Variants in CNTNAP2 observed in about 807,000 individuals in gnomAD.
CNTNAP2 encodes the protein contactin-associated protein-like 2.
In CNTNAP2, 98 loss-of-function variants were observed where a neutral mutation model predicts 155.2. The observed-to-expected ratio is 0.63, with a 90% CI of 0.54 to 0.75. CNTNAP2 has a LOEUF of 0.75. Ranked by LOEUF, CNTNAP2 falls within the 30% of genes least tolerant of loss-of-function variation. The pLI is 0.00. For synonymous variants in CNTNAP2, 651 were observed against 631.2 expected (o/e 1.03, Z -0.47); for missense variants, 1,727 against 1,688.1 (o/e 1.02, Z -0.40).
At chr7:148,077,324 C>T (rs1803507840) in intron 15 of CNTNAP2, among the ~76,000 whole-genome samples, 1 of 151,738 alleles carries the variant, frequency 6.6e-6, no homozygotes. Flanking sequence ...AAAAAAATTA[C>T]CACACATACT....
chr7:147,471,575 T>G (rs573555749), intron 10 of CNTNAP2, among the ~76,000 whole-genome samples: 42 of 152,356 alleles, frequency 2.8e-4, no homozygotes, highest in African/African-American at 9.4e-4. Context: ...TTGAAATATT[T>G]CATGTAAAGC....
chr7:146,563,478 G>A (rs1227953923), intron 1 of CNTNAP2, among the ~76,000 whole-genome samples: 1 of 151,922 alleles, frequency 6.6e-6, no homozygotes, highest in Non-Finnish European at 1.5e-5. Context: ...TACTTTCTCA[G>A]TATCCTCCAG....
chr7:146,404,493 CCTAA>C (rs1341094077), intron 1 of CNTNAP2, among the ~76,000 whole-genome samples: 7 of 152,200 alleles, frequency 4.6e-5, no homozygotes, highest in Non-Finnish European at 1.0e-4. Flanking sequence ...GTAATAACTT[CCTAA>C]CTGATTTCTC....
At position 147,802,330 on chromosome 7, in the gene CNTNAP2, G is replaced by A. The variant is rs1307741193; in HGVS notation, c.2099-101235G>A. Among the ~76,000 whole-genome samples, 5 of 147,282 alleles carry A rather than the reference G, an allele frequency of 3.4e-5. No homozygotes were observed. In the East Asian group the frequency reaches 8.2e-4, roughly 24 times the overall value. On this transcript the variant is annotated intron_variant, in intron 13 of 23. Transcript: ENST00000361727. ...CAGAGGGGCTCCTCACATCCCAGAC[G>A]ATGGGCGGCCAGGCAGAGACACTCC...
intron 13 of CNTNAP2, among the ~76,000 whole-genome samples, chr7:147,793,099 G>A (rs1797845044): frequency 6.6e-6 from 1 of 151,848 alleles, no homozygotes; most frequent in African/African-American, 2.4e-5. Flanking sequence ...GGTTTTATCA[G>A]GTATATGGTT....
intron 11 of CNTNAP2, among the ~76,000 whole-genome samples, chr7:147,493,449 C>T (rs1462648061): frequency 6.6e-6 from 1 of 152,016 alleles, no homozygotes; most frequent in African/African-American, 2.4e-5. Context: ...CTATGGGATC[C>T]AACTGCAGGA....
At position 148,416,539 on chromosome 7, in the gene CNTNAP2, G is replaced by GCAAAAATATGGATAA. The variant is rs1228191361; in HGVS notation, c.*923_*924insCAAAAATATGGATAA. ...TTTGCTCTTTTTCTTTTATAGTTTAGTTATAGCAAAAATATGGATAATTTC... is the reference window on the plus strand; with the variant it reads ...TTTGCTCTTTTTCTTTTATAGTTTAGCAAAAATATGGATAATTATAGCAAAAATATGGATAATTTC... On this transcript the variant is annotated 3_prime_UTR_variant, in exon 24 of 24. Transcript: ENST00000361727. 2 of 126,188 alleles carry GCAAAAATATGGATAA rather than the reference G, an allele frequency of 1.6e-5. No individual in the cohort carries two copies. The highest frequency in any genetic ancestry group is 4.4e-4 in the East Asian group (2 of 4,500). 7.8% of individuals were successfully genotyped at this position (126,188 alleles called of 1,614,324 possible).
At position 148,161,726 on chromosome 7, in the gene CNTNAP2, A is replaced by G. The variant is rs561337802; in HGVS notation, c.2774-10516A>G. 3.0e-4 allele frequency among the ~76,000 whole-genome samples: 46 copies of G among 152,330 alleles called. 1 individual carries two copies. The highest frequency in any genetic ancestry group is 1.1e-3 in the African/African-American group (45 of 41,566). On this transcript the variant is annotated intron_variant, in intron 17 of 23. Transcript: ENST00000361727. ...TATTGAAGTGTCTGTCTCAAAAATA[A>G]CCAAATCCAATAGCCTGTTACTGTT... is the stretch of plus-strand genomic sequence containing the variant.
chr7:147,396,887 T>C (rs1446267963), intron 10 of CNTNAP2, among the ~76,000 whole-genome samples: 1 of 152,074 alleles, frequency 6.6e-6, no homozygotes, highest in African/African-American at 2.4e-5. Flanking sequence ...ATTAATCCTA[T>C]CTCAGTCTAC....
chr7:146,474,500 A>T (rs548478969), intron 1 of CNTNAP2, among the ~76,000 whole-genome samples: 1 of 151,268 alleles, frequency 6.6e-6, no homozygotes, highest in Non-Finnish European at 1.5e-5. Flanking sequence ...GTTGTTCTTC[A>T]CATGATTTGA....
At chr7:146,346,902 A>G (rs1227267152) in intron 1 of CNTNAP2, among the ~76,000 whole-genome samples, 1 of 152,050 alleles carries the variant, frequency 6.6e-6, no homozygotes, top group Non-Finnish European at 1.5e-5. Context: ...TCATGGGAGA[A>G]TAAGGTTTTT....
At chr7:146,701,482 G>T (rs1262983249) in intron 1 of CNTNAP2, among the ~76,000 whole-genome samples, 1 of 152,046 alleles carries the variant, frequency 6.6e-6, no homozygotes, top group Non-Finnish European at 1.5e-5. Flanking sequence ...TATGATGTCT[G>T]GTTGTATTTT....
intron 18 of CNTNAP2, among the ~76,000 whole-genome samples, chr7:148,187,484 G>C (rs1021053216): frequency 7.9e-5 from 12 of 152,304 alleles, no homozygotes; most frequent in Admixed American, 6.5e-4. Flanking sequence ...CAATTTCTCT[G>C]TTCCAGTCTG....
intron 15 of CNTNAP2, among the ~76,000 whole-genome samples, chr7:148,086,509 G>A (rs1393181603): frequency 2.0e-5 from 3 of 152,050 alleles, no homozygotes; most frequent in Non-Finnish European, 4.4e-5. Flanking sequence ...ATTTCAATAT[G>A]CAAAACTCTC....
intron 1 of CNTNAP2, among the ~76,000 whole-genome samples, chr7:146,220,257 T>G (rs139854416): frequency 0.022 from 3,216 of 148,118 alleles, 55 homozygotes; most frequent in Non-Finnish European, 0.033. Context: ...TTGCCCTTCA[T>G]GAAAATCTTG....
At chr7:148,216,728 G>A (rs1255057241) in intron 18 of CNTNAP2, among the ~76,000 whole-genome samples, 1 of 152,060 alleles carries the variant, frequency 6.6e-6, no homozygotes, top group Non-Finnish European at 1.5e-5. Context: ...ATTTCTATAT[G>A]ATATGGTTTG....
chr7:147,914,964 T>A (rs928018837), intron 14 of CNTNAP2, among the ~76,000 whole-genome samples: 2 of 152,236 alleles, frequency 1.3e-5, no homozygotes, highest in Non-Finnish European at 2.9e-5. Flanking sequence ...TAGGACTTTA[T>A]GGAGGACCTG....
intron 1 of CNTNAP2, among the ~76,000 whole-genome samples, chr7:146,553,224 A>G (rs1382459362): frequency 6.6e-6 from 1 of 152,118 alleles, no homozygotes; most frequent in Non-Finnish European, 1.5e-5. Context: ...AATTCTAATT[A>G]TATTTGAAAT....
chr7:146,375,846 C>T (rs1795296903), intron 1 of CNTNAP2, among the ~76,000 whole-genome samples: 1 of 152,164 alleles, frequency 6.6e-6, no homozygotes, highest in Admixed American at 6.5e-5. Flanking sequence ...CTATAACTTA[C>T]TCTTATGTAA....
Sources: allele counts gnomAD v4.1 joint callset (sites outside exome capture counted in the v4.1 genomes callset), GRCh38; gene constraint gnomAD v4.1.1; transcripts MANE v1.5; gene names NCBI Gene and HGNC (gene_info 2026-07-23, HGNC 2026-07-21).